ADAMTSL1: variants seen among roughly 807,000 people sequenced by gnomAD.
The protein encoded by ADAMTSL1 is ADAMTS like 1, also known as ADAMTS-like protein 1.
Under a neutral mutation model 201.8 loss-of-function variants are expected in ADAMTSL1, and 126 were observed. That is an observed-to-expected ratio of 0.62 (90% CI 0.54 to 0.72). ADAMTSL1 has a LOEUF of 0.72. Ranked by LOEUF, ADAMTSL1 falls within the 30% of genes least tolerant of loss-of-function variation. ADAMTSL1 has a pLI of 0.00. For missense variants in ADAMTSL1, 2,679 were observed against 2,277.8 expected, an observed-to-expected ratio of 1.18 and a Z score of -3.59; for synonymous variants, 1,121 against 903.4, an observed-to-expected ratio of 1.24 and a Z score of -4.32.
chr9:18,647,074 A>T (rs920344578), intron 7 of ADAMTSL1, among the ~76,000 whole-genome samples: 7 of 152,160 alleles, frequency 4.6e-5, no homozygotes, highest in Non-Finnish European at 8.8e-5. Context: ...AGATCCTGTT[A>T]TTGGTCTACT....
Position 18,034,700 on chromosome 9 carries a change from T to C in ADAMTSL1, c.87+127778T>C, listed in dbSNP as rs562340571. 3.9e-5 allele frequency among the ~76,000 whole-genome samples: 6 copies of C among 152,314 alleles called. No homozygotes were observed. The East Asian group carries it at 1.2e-3, about 29-fold the overall frequency. On this transcript the variant is annotated intron_variant, in intron 1 of 29. Coordinates refer to the ADAMTSL1 transcript ENST00000680146. ...TCATTCGTGCCTTCATTTTTATTCT[T>C]ACTTTCTCTACTCTGGCTTTGCCTC...
chr9:18,886,877 C>CAGTTTTATGAGTGTA (rs1828932525), intron 23 of ADAMTSL1, among the ~76,000 whole-genome samples: 1 of 152,226 alleles, frequency 6.6e-6, no homozygotes, highest in Admixed American at 6.5e-5. Context: ...CTTGCATCTG[C>CAGTTTTATGAGTGTA]AGTTTTATGA....
chr9:18,301,975 T>C (rs944209880), intron 2 of ADAMTSL1, among the ~76,000 whole-genome samples: 5 of 152,220 alleles, frequency 3.3e-5, no homozygotes, highest in African/African-American at 1.2e-4. Flanking sequence ...CTCAGACACA[T>C]GATCATAGAG....
chr9:17,987,997 T>C (rs1298998491), intron 1 of ADAMTSL1, among the ~76,000 whole-genome samples: 2 of 152,098 alleles, frequency 1.3e-5, no homozygotes, highest in South Asian at 2.1e-4. Flanking sequence ...TTTTGGTTCA[T>C]TAAAGTAGTA....
chr9:18,832,904 A>G (rs564248721), intron 23 of ADAMTSL1, among the ~76,000 whole-genome samples: 32 of 152,238 alleles, frequency 2.1e-4, no homozygotes, highest in African/African-American at 7.7e-4. Flanking sequence ...CCTGATTTTC[A>G]TGTTTCCCAG....
intron 22 of ADAMTSL1, among the ~76,000 whole-genome samples, chr9:18,828,986 A>G (rs1326408746): frequency 6.6e-6 from 1 of 151,842 alleles, no homozygotes; most frequent in Non-Finnish European, 1.5e-5. Flanking sequence ...TGCTCTGGAG[A>G]AAAAGGTGGG....
intron 2 of ADAMTSL1, among the ~76,000 whole-genome samples, chr9:18,175,069 G>A (rs1355076493): frequency 6.6e-6 from 1 of 152,172 alleles, no homozygotes; most frequent in Non-Finnish European, 1.5e-5. Context: ...CTTTGAAAAT[G>A]TGGGATTTGA....
At chr9:17,922,985 C>A in intron 1 of ADAMTSL1, among the ~76,000 whole-genome samples, 1 of 152,234 alleles carries the variant, frequency 6.6e-6, no homozygotes, top group Admixed American at 6.5e-5. Flanking sequence ...TGTGTTTTTT[C>A]TTCAAGTCAT....
rs189860863 is a variant in ADAMTSL1 at position 18,690,727 on chromosome 9, G to A, written c.1574+5927G>A. Among the ~76,000 whole-genome samples, 23 of 152,304 alleles carry A rather than the reference G, an allele frequency of 1.5e-4. No individual in the cohort carries two copies. The East Asian group carries it at 3.3e-3, about 22-fold the overall frequency. On this transcript the variant is annotated intron_variant, in intron 13 of 28. Coordinates refer to ENST00000380548, the MANE Select transcript of ADAMTSL1 (RefSeq NM_001040272.6). ...GGTAAAGCCTCACACTGGCCAGACA[G>A]CATCAACCCTTCCCCTCCAATAGTC...
At chr9:18,264,167 C>G (rs1832033104) in intron 2 of ADAMTSL1, among the ~76,000 whole-genome samples, 1 of 152,034 alleles carries the variant, frequency 6.6e-6, no homozygotes, top group Non-Finnish European at 1.5e-5. Flanking sequence ...TCTTAATGAC[C>G]TACTCAATCC....
At chr9:17,915,519 C>T (rs1376455337) in intron 1 of ADAMTSL1, among the ~76,000 whole-genome samples, 1 of 152,160 alleles carries the variant, frequency 6.6e-6, no homozygotes, top group Non-Finnish European at 1.5e-5. Flanking sequence ...AAAGCTGCTG[C>T]AAACATTTAT....
intron 2 of ADAMTSL1, among the ~76,000 whole-genome samples, chr9:18,343,693 A>G (rs1563899986): frequency 6.6e-6 from 1 of 152,154 alleles, no homozygotes; most frequent in African/African-American, 2.4e-5. Context: ...TTTGTACAGT[A>G]CTGACTAGGT....
chr9:18,025,890 G>A (rs1820672510), intron 1 of ADAMTSL1, among the ~76,000 whole-genome samples: 1 of 152,092 alleles, frequency 6.6e-6, no homozygotes, highest in African/African-American at 2.4e-5. Context: ...CAAGAGCATG[G>A]AATGTTTTTC....
chr9:18,809,907 C>T (rs558896322), intron 20 of ADAMTSL1, among the ~76,000 whole-genome samples: 2 of 152,284 alleles, frequency 1.3e-5, no homozygotes, highest in African/African-American at 2.4e-5. Context: ...AGCAAGATCA[C>T]GCTGGCTGCC....
intron 2 of ADAMTSL1, among the ~76,000 whole-genome samples, chr9:18,251,020 A>G (rs770778077): frequency 6.6e-5 from 10 of 152,188 alleles, no homozygotes; most frequent in Non-Finnish European, 1.0e-4. Context: ...GAAATAGAAG[A>G]GAATGTTAAC....
At chr9:18,206,928 G>A (rs563790721) in intron 2 of ADAMTSL1, among the ~76,000 whole-genome samples, 39 of 152,236 alleles carry the variant, frequency 2.6e-4, no homozygotes, top group African/African-American at 7.0e-4. Context: ...ACTTTGAGAG[G>A]CCGAGGTGGG....
intron 24 of ADAMTSL1, among the ~76,000 whole-genome samples, 164 bp from the exon 25 acceptor site, chr9:18,889,404 C>T (rs970871879): frequency 6.6e-6 from 1 of 152,174 alleles, no homozygotes; most frequent in Admixed American, 6.5e-5. Context: ...CCAAATAGTT[C>T]GGGAATGGTT....
chr9:18,684,330 A>G (rs1421020777), intron 12 of ADAMTSL1, among the ~76,000 whole-genome samples: 3 of 152,228 alleles, frequency 2.0e-5, no homozygotes, highest in African/African-American at 7.2e-5. Context: ...TTATGAAAAT[A>G]TCACAATATA....
At chr9:18,758,611 T>C (rs1819901203) in intron 16 of ADAMTSL1, among the ~76,000 whole-genome samples, 1 of 152,162 alleles carries the variant, frequency 6.6e-6, no homozygotes, top group South Asian at 2.1e-4. Context: ...TTCTGTCCCT[T>C]CATCCTCTCT....
Sources: gnomAD v4.1 joint callset for allele counts (sites outside exome capture counted in the v4.1 genomes callset) on GRCh38, gnomAD v4.1.1 for gene constraint, MANE v1.5 for transcripts, NCBI Gene and HGNC (gene_info 2026-07-23, HGNC 2026-07-21) for gene names.